Variants in WFDC9 observed in about 807,000 individuals in gnomAD.
WFDC9 encodes WAP four-disulfide core domain 9.
A neutral mutation model predicts 9.5 loss-of-function variants in WFDC9; 9 were observed. The ratio of observed to expected loss-of-function variants is 0.95; its 90% confidence interval spans 0.57 to 1.65. The LOEUF (loss-of-function observed/expected upper bound fraction) is 1.65. WFDC9 is among the 40% of genes most tolerant of loss of function. The pLI is 0.00. For missense variants in WFDC9, 87 were observed against 106.7 expected (o/e 0.82, Z 0.81); for synonymous variants, 33 against 32.3 (o/e 1.02, Z -0.07).
At chr20:45,617,103 A>G (rs995104325) in intron 1 of WFDC9, among the ~76,000 whole-genome samples, 3 of 152,152 alleles carry the variant, frequency 2.0e-5, no homozygotes, top group Non-Finnish European at 4.4e-5. Context: ...ACCTTCATCA[A>G]TTACAGTTGA....
intron 1 of WFDC9, chr20:45,629,763 G>C (rs1982309913): frequency 6.3e-7 from 1 of 1,590,718 alleles, no homozygotes; most frequent in African/African-American, 1.3e-5. Flanking sequence ...GCTCTGCAGG[G>C]AAGTCTGTGA....
intron 1 of WFDC9, among the ~76,000 whole-genome samples, chr20:45,627,506 C>T (rs965705464): frequency 4.0e-5 from 6 of 150,726 alleles, no homozygotes; most frequent in African/African-American, 7.4e-5. Context: ...ACTTGTTATT[C>T]GTCTGTTCAG....
intron 1 of WFDC9, chr20:45,629,410 A>C (rs866452173): frequency 6.4e-6 from 1 of 155,264 alleles, no homozygotes; most frequent in Non-Finnish European, 1.4e-5. Flanking sequence ...GATTGTTTAT[A>C]TTAAATATGG....
At chr20:45,613,378 A>G (rs2145596152) in intron 2 of WFDC9, among the ~76,000 whole-genome samples, 1 of 152,304 alleles carries the variant, frequency 6.6e-6, no homozygotes, top group African/African-American at 2.4e-5. Context: ...ATACTAGAAA[A>G]ATTTTAAAGC....
chr20:45,626,979 G>A (rs1316876753), intron 1 of WFDC9, among the ~76,000 whole-genome samples: 1 of 152,096 alleles, frequency 6.6e-6, no homozygotes. Flanking sequence ...TTTATTATGT[G>A]GAGGTGCTTT....
intron 4 of WFDC9, 76 bp from the exon 5 acceptor site, chr20:45,608,216 C>G (rs1981772017): frequency 1.3e-6 from 2 of 1,482,342 alleles, no homozygotes; most frequent in East Asian, 4.5e-5. Context: ...ATCCTAGGCC[C>G]CAGATGAAAA....
chr20:45,613,487 G>A (rs537185895), intron 2 of WFDC9, among the ~76,000 whole-genome samples: 1 of 152,308 alleles, frequency 6.6e-6, no homozygotes, highest in South Asian at 2.1e-4. Flanking sequence ...CATGTCATTA[G>A]ATGTATTGAC....
At chr20:45,621,927 C>A (rs1169392524) in intron 1 of WFDC9, among the ~76,000 whole-genome samples, 1 of 152,180 alleles carries the variant, frequency 6.6e-6, no homozygotes, top group African/African-American at 2.4e-5. Flanking sequence ...TCCTGTGAGT[C>A]CTCCTAGTAA....
chr20:45,618,112 C>T (rs1373475792), intron 1 of WFDC9, among the ~76,000 whole-genome samples: 1 of 152,162 alleles, frequency 6.6e-6, no homozygotes, highest in Non-Finnish European at 1.5e-5. Context: ...TTCACATTGC[C>T]CTTTTGTGTT....
At chr20:45,611,340 T>G (rs1981856211) in intron 2 of WFDC9, among the ~76,000 whole-genome samples, 1 of 152,088 alleles carries the variant, frequency 6.6e-6, no homozygotes, top group Non-Finnish European at 1.5e-5. Context: ...AACTGGAGCT[T>G]CTGAGGGAGG....
At position 45,608,739 on chromosome 20, in the gene WFDC9, T is replaced by C; in HGVS notation, c.163A>G (p.Thr55Ala). The C allele has an allele frequency of 6.2e-7, 1 of 1,614,170 alleles. No individual in the cohort carries two copies. Among genetic ancestry groups the C allele is most frequent in the African/African-American group, 1.3e-5 (1 of 75,060 alleles). ...GGACGTACACAAGTCATTATTTTAG[T>C]ACACCTTTTCTCACAGTACTTATAT... ...PPYKYCEKRC[T>A]KIMTCVRPNH... Residue 55 changes from threonine (T) to alanine (A), a missense_variant, in exon 4 of 5, where the codon ACT (threonine) becomes GCT (alanine). Transcript: ENST00000326000.
intron 2 of WFDC9, among the ~76,000 whole-genome samples, chr20:45,613,219 A>T (rs1981899031): frequency 6.6e-6 from 1 of 152,220 alleles, no homozygotes. Flanking sequence ...CGATGGGAAT[A>T]GTCTACATCA....
intron 1 of WFDC9, among the ~76,000 whole-genome samples, chr20:45,629,233 TAAA>T (rs1651757071): frequency 6.6e-6 from 1 of 152,172 alleles, no homozygotes; most frequent in Admixed American, 6.5e-5. Flanking sequence ...GATTTATAAA[TAAA>T]AATAATATGA....
intron 1 of WFDC9, chr20:45,630,745 A>G (rs1032750642): frequency 5.4e-5 from 59 of 1,100,212 alleles, no homozygotes; most frequent in Non-Finnish European, 7.2e-5. Context: ...AGGTAGTTCT[A>G]TGAAGAAGGA....
chr20:45,627,792 T>C (rs1417207198), intron 1 of WFDC9, among the ~76,000 whole-genome samples: 3 of 152,226 alleles, frequency 2.0e-5, no homozygotes, highest in Non-Finnish European at 4.4e-5. Context: ...TTGTCTTTTT[T>C]TAGACTAATT....
intron 1 of WFDC9, chr20:45,630,865 G>C: frequency 6.3e-7 from 1 of 1,592,796 alleles, no homozygotes; most frequent in South Asian, 1.1e-5. Context: ...TATTCTCCTT[G>C]TCAGAAACAC....
intron 4 of WFDC9, 74 bp downstream of exon 4, chr20:45,608,589 G>A: frequency 6.6e-7 from 1 of 1,518,186 alleles, no homozygotes; most frequent in Non-Finnish European, 8.8e-7. Context: ...GGTGGCTGCG[G>A]TCTTTTGAAT....
chr20:45,610,031 C>G (rs1488261783), intron 3 of WFDC9, 60 bp downstream of exon 3: 1 of 1,366,948 alleles, frequency 7.3e-7, no homozygotes, highest in African/African-American at 1.4e-5. Flanking sequence ...GGCCCTGGAT[C>G]AGCTACAATA....
At chr20:45,608,634 C>A in intron 4 of WFDC9, 29 bp downstream of exon 4, 2 of 1,600,482 alleles carry the variant, frequency 1.2e-6, no homozygotes, top group Middle Eastern at 3.3e-4. Flanking sequence ...CATGCCCAGG[C>A]CCTAGCCTTC....
Sources: allele counts gnomAD v4.1 joint callset (sites outside exome capture counted in the v4.1 genomes callset), GRCh38; gene constraint gnomAD v4.1.1; transcripts MANE v1.5; gene names NCBI Gene and HGNC (gene_info 2026-07-23, HGNC 2026-07-21).